The following PRDM1 variants were observed in gnomAD, a reference collection of about 807,000 sequenced individuals.
PRDM1 encodes PR domain zinc finger protein 1.
Under a neutral mutation model 62.8 loss-of-function variants are expected in PRDM1, and 13 were observed. The ratio of observed to expected loss-of-function variants is 0.21; its 90% CI spans 0.13 to 0.33. PRDM1 has a LOEUF of 0.33. Ranked by LOEUF, PRDM1 falls within the 10% of genes least tolerant of loss-of-function variation. PRDM1 has a pLI of 1.00. For synonymous variants in PRDM1, 396 were observed against 417.6 expected, an observed-to-expected ratio of 0.95 and a Z score of 0.63; for missense variants, 895 against 1,058.8, an observed-to-expected ratio of 0.85 and a Z score of 2.15.
At position 106,106,848 on chromosome 6, in the gene PRDM1, C is replaced by A; in HGVS notation, c.1903-63C>A. 6.6e-7 allele frequency: 1 copy of A among 1,504,372 alleles called. No individual in the cohort carries two copies. 93.2% of individuals were successfully genotyped at this position (1,504,372 alleles called of 1,614,324 possible). Reference sequence around the variant, plus strand: ...CCGGTAAGCCTGCCCCTCCCGTTGGCAACTCTTAATCTTCTGGCCTTCCTG... The same window carrying A: ...CCGGTAAGCCTGCCCCTCCCGTTGGAAACTCTTAATCTTCTGGCCTTCCTG... On this transcript the variant is annotated intron_variant, in intron 6 of 6. Transcript: ENST00000369096. The surrounding 1 kb of genome is among the most constrained non-coding windows in gnomAD (Gnocchi z 4.4).
At chr6:106,082,503 G>T (rs1773709289), upstream of PRDM1, among the ~76,000 whole-genome samples, 1 of 152,146 alleles carries the variant, frequency 6.6e-6, no homozygotes, top group Non-Finnish European at 1.5e-5. Context: ...GATTAGATGA[G>T]AATACAACTG....
intron 2 of PRDM1, among the ~76,000 whole-genome samples, chr6:106,093,412 C>A (rs1274245030): frequency 6.6e-6 from 1 of 152,154 alleles, no homozygotes; most frequent in Non-Finnish European, 1.5e-5. Context: ...AGTTGATGAA[C>A]CAGTTGAGTG....
At chr6:106,077,958 A>C (rs1773630013) in intron 1 of PRDM1, among the ~76,000 whole-genome samples, 1 of 152,162 alleles carries the variant, frequency 6.6e-6, no homozygotes, top group African/African-American at 2.4e-5. Context: ...CTGTGATGAG[A>C]TCTTTCTTGC....
At position 106,106,505 on chromosome 6, in the gene PRDM1, C is replaced by T. The variant is rs780431911; in HGVS notation, c.1902+6C>T. On this transcript the variant is annotated splice_donor_region_variant and intron_variant, in intron 6 of 6. Transcript: ENST00000369096. The surrounding 1 kb of genome is among the most constrained non-coding windows in gnomAD (Gnocchi z 4.4). ...AAAAGCCACATGAATGCCAGGTGCG[C>T]AGTATTTTCTGGGTAGACCTTCTGA... 6.2e-7 allele frequency: 1 copy of T among 1,614,108 alleles called. No individual in the cohort carries two copies. Among genetic ancestry groups the T allele is most frequent in the Non-Finnish European group, 8.5e-7 (1 of 1,180,012 alleles).
rs193208987 is a variant in PRDM1 at position 106,011,756 on chromosome 6, A to G, written c.-67+18117A>G. The stretch of plus-strand genomic sequence containing the variant: ...ACCTCAACATTCAATTTAAATGAAG[A>G]CTGTGCTGGTGGCCAAGTTCTTACT... On this transcript the variant is annotated intron_variant, in intron 1 of 6. Coordinates refer to the PRDM1 transcript ENST00000652320. Among the ~76,000 whole-genome samples the G allele has an allele frequency of 2.0e-5, 3 of 152,146 alleles. No homozygotes were observed. The East Asian group carries it at 5.8e-4, about 29-fold the overall frequency.
intron 1 of PRDM1, among the ~76,000 whole-genome samples, chr6:106,071,703 G>A (rs907835348): frequency 4.0e-5 from 6 of 151,654 alleles, no homozygotes; most frequent in Non-Finnish European, 8.8e-5. Flanking sequence ...GAGGTGGATT[G>A]TCTGTTATGT....
intron 4 of PRDM1, among the ~76,000 whole-genome samples, chr6:106,102,401 C>T (rs570234469): frequency 1.3e-5 from 2 of 152,184 alleles, no homozygotes; most frequent in Non-Finnish European, 2.9e-5. Flanking sequence ...ACCTGTAGAG[C>T]ATCTTAGGGA....
At chr6:106,051,941 A>G (rs1773182346) in intron 1 of PRDM1, among the ~76,000 whole-genome samples, 1 of 152,208 alleles carries the variant, frequency 6.6e-6, no homozygotes, top group South Asian at 2.1e-4. Flanking sequence ...TAAAAAGACA[A>G]ATATTATATA....
chr6:106,099,054 T>A, intron 3 of PRDM1: 1 of 1,613,902 alleles, frequency 6.2e-7, no homozygotes, highest in Non-Finnish European at 8.5e-7. Context: ...TTTCTGTTAT[T>A]TTCCCGAACA....
chr6:106,078,043 C>A (rs12199405), intron 1 of PRDM1, among the ~76,000 whole-genome samples: 2 of 152,168 alleles, frequency 1.3e-5, no homozygotes, highest in African/African-American at 4.8e-5. Flanking sequence ...CTACTTCCTG[C>A]GTCCATCTTT....
At chr6:106,089,657 A>G (rs1773908580) in intron 2 of PRDM1, among the ~76,000 whole-genome samples, 1 of 152,244 alleles carries the variant, frequency 6.6e-6, no homozygotes, top group Non-Finnish European at 1.5e-5. Flanking sequence ...TTCTAGTTGT[A>G]GTTGAATGTT....
intron 1 of PRDM1, among the ~76,000 whole-genome samples, chr6:106,059,129 T>C (rs972952126): frequency 1.1e-4 from 16 of 152,022 alleles, no homozygotes; most frequent in African/African-American, 3.6e-4. Flanking sequence ...GTAACCCCAA[T>C]AGGGGTTACA....
chr6:106,084,370 T>C (rs1350507778), upstream of PRDM1, among the ~76,000 whole-genome samples: 1 of 152,232 alleles, frequency 6.6e-6, no homozygotes, highest in Non-Finnish European at 1.5e-5. Flanking sequence ...TTTCACCACC[T>C]CTGAAGGTGA....
At chr6:106,023,767 G>A (rs1383307052) in intron 1 of PRDM1, among the ~76,000 whole-genome samples, 4 of 152,150 alleles carry the variant, frequency 2.6e-5, no homozygotes, top group Non-Finnish European at 5.9e-5. Flanking sequence ...TCTGCTAGCT[G>A]ATATTTGACT....
intron 3 of PRDM1, chr6:106,098,725 A>C: frequency 7.1e-7 from 1 of 1,404,556 alleles, no homozygotes; most frequent in East Asian, 3.5e-5. Flanking sequence ...CAAAAAGGCA[A>C]GGTTCCAAGT....
intron 4 of PRDM1, among the ~76,000 whole-genome samples, chr6:106,104,029 C>G (rs1181304377): frequency 6.6e-6 from 1 of 152,154 alleles, no homozygotes; most frequent in East Asian, 1.9e-4. Context: ...TCGTATTCAA[C>G]AAGAGTAGAA....
Position 106,006,918 on chromosome 6 carries a change from A to G in PRDM1, c.-67+13279A>G, listed in dbSNP as rs116258267. Among the ~76,000 whole-genome samples, 672 of 152,094 alleles carry G rather than the reference A, an allele frequency of 4.4e-3. 8 individuals are homozygous for G. The highest frequency in any genetic ancestry group is 0.016 in the African/African-American group (647 of 41,530). On this transcript the variant is annotated intron_variant, in intron 1 of 6. Transcript: ENST00000652320. ...CAAACTCTCTGCTCAGTGATCGTTT[A>G]TGGCACTTGTGTGTAATTTGGAAGG...
At chr6:106,094,966 G>A (rs998605255) in intron 2 of PRDM1, among the ~76,000 whole-genome samples, 3 of 149,936 alleles carry the variant, frequency 2.0e-5, no homozygotes. Flanking sequence ...TAGAAGACTC[G>A]AGAAGAACAA....
chr6:106,084,497 T>G (rs1403600370), upstream of PRDM1, among the ~76,000 whole-genome samples: 1 of 152,222 alleles, frequency 6.6e-6, no homozygotes, highest in Non-Finnish European at 1.5e-5. Context: ...TTTTTGCCTA[T>G]TCCCTTACTC....
Sources: allele counts gnomAD v4.1 joint callset (sites outside exome capture counted in the v4.1 genomes callset), GRCh38; gene constraint gnomAD v4.1.1; non-coding constraint Gnocchi (gnomAD v3.1); transcripts MANE v1.5; gene names NCBI Gene and HGNC (gene_info 2026-07-23, HGNC 2026-07-21).